The following UNC13B variants were observed in gnomAD, a reference collection of about 807,000 sequenced individuals.
The protein encoded by UNC13B is unc-13 homolog B, also known as protein unc-13 homolog B.
UNC13B carries 144 observed loss-of-function variants against 211.0 expected under a neutral mutation model. The observed-to-expected ratio is 0.68, with a 90% CI of 0.60 to 0.78. The LOEUF is 0.78. Ranked by LOEUF, UNC13B falls within the 30% of genes least tolerant of loss-of-function variation. The probability of loss-of-function intolerance (pLI) is 0.00; values close to 1 mark genes in which losing one functional copy is unlikely to be tolerated. For synonymous variants in UNC13B, 709 were observed against 725.8 expected (o/e 0.98, Z 0.37); for missense variants, 1,777 against 2,002.0 (o/e 0.89, Z 2.14).
intron 11 of UNC13B, chr9:35,353,470 G>T (rs984954082): frequency 8.1e-7 from 1 of 1,232,112 alleles, no homozygotes; most frequent in Non-Finnish European, 1.0e-6. Context: ...CTGGGAGTCA[G>T]GGGAGTGAAA....
chr9:35,337,173 A>C (rs1831712549), intron 11 of UNC13B, among the ~76,000 whole-genome samples: 1 of 152,048 alleles, frequency 6.6e-6, no homozygotes, highest in Admixed American at 6.6e-5. Context: ...ATATCCCCCT[A>C]GCAAATTGTG....
intron 7 of UNC13B, among the ~76,000 whole-genome samples, chr9:35,282,216 C>T (rs911643043): frequency 2.6e-5 from 4 of 152,078 alleles, no homozygotes; most frequent in African/African-American, 9.7e-5. Flanking sequence ...AAAAGATAGA[C>T]CTTTGCCAAC....
intron 11 of UNC13B, among the ~76,000 whole-genome samples, chr9:35,326,763 G>A (rs1328328099): frequency 1.3e-5 from 2 of 152,134 alleles, no homozygotes; most frequent in East Asian, 3.8e-4. Context: ...ACCATATACT[G>A]TAATTAAAGA....
intron 11 of UNC13B, chr9:35,342,400 G>A (rs986704880): frequency 2.1e-6 from 2 of 975,578 alleles, no homozygotes; most frequent in Non-Finnish European, 2.4e-6. Flanking sequence ...CAAAAGGAAA[G>A]CATTTGTGGG....
At chr9:35,204,612 C>T (rs886819301) in intron 1 of UNC13B, among the ~76,000 whole-genome samples, 10 of 152,306 alleles carry the variant, frequency 6.6e-5, no homozygotes, top group Middle Eastern at 3.4e-3. Flanking sequence ...TGGAGCTTTA[C>T]GATTTAATGA....
intron 1 of UNC13B, among the ~76,000 whole-genome samples, chr9:35,198,490 G>T (rs1823071556): frequency 6.6e-6 from 1 of 152,190 alleles, no homozygotes; most frequent in African/African-American, 2.4e-5. Flanking sequence ...ACAGTATGTA[G>T]TCTCAGGTAT....
At chr9:35,233,612 TCTC>T (rs1825332341) in intron 3 of UNC13B, among the ~76,000 whole-genome samples, 1 of 152,198 alleles carries the variant, frequency 6.6e-6, no homozygotes, top group African/African-American at 2.4e-5. Context: ...TATCTCCCGT[TCTC>T]CTTTTTCCTT....
At chr9:35,251,063 T>C (rs987931355) in intron 6 of UNC13B, among the ~76,000 whole-genome samples, 1 of 146,456 alleles carries the variant, frequency 6.8e-6, no homozygotes, top group Non-Finnish European at 1.5e-5. Flanking sequence ...CCCGGGTTCA[T>C]GCCATTCTCC....
At chr9:35,390,764 C>T (rs771203051) in intron 26 of UNC13B, 50 bp downstream of exon 26, 5 of 1,533,676 alleles carry the variant, frequency 3.3e-6, no homozygotes, top group Non-Finnish European at 4.5e-6. Flanking sequence ...GCCCAAGCTC[C>T]TCGTTCACTG....
chr9:35,396,757 A>C, intron 27 of UNC13B, 84 bp from the exon 28 acceptor site: 1 of 1,601,858 alleles, frequency 6.2e-7, no homozygotes, highest in East Asian at 2.2e-5. Flanking sequence ...TGCCATCCCG[A>C]GGACCCCAGT....
intron 11 of UNC13B, among the ~76,000 whole-genome samples, chr9:35,332,803 T>C (rs1388639261): frequency 6.6e-6 from 1 of 152,230 alleles, no homozygotes; most frequent in African/African-American, 2.4e-5. Flanking sequence ...TTTATCTTTC[T>C]ATAGCATTTC....
chr9:35,276,557 G>A (rs972935189), intron 7 of UNC13B, among the ~76,000 whole-genome samples: 12 of 152,092 alleles, frequency 7.9e-5, no homozygotes, highest in African/African-American at 2.9e-4. Flanking sequence ...TTTTTGTGGT[G>A]TTGTGAAGAG....
chr9:35,383,283 G>A (rs1445882770), intron 21 of UNC13B, among the ~76,000 whole-genome samples: 1 of 152,104 alleles, frequency 6.6e-6, no homozygotes, highest in Non-Finnish European at 1.5e-5. Flanking sequence ...CCCTTCCTGG[G>A]TTAAGGTACC....
rs1176914433 is a variant in UNC13B, at chr9:35,301,806, C to T, written c.2402C>T (p.Thr801Ile). Residue 801 changes from threonine (T) to isoleucine (I), a missense_variant, in exon 9 of 40, where the codon ACA becomes ATA. Thr to Ile is a moderately conservative substitution (Grantham distance 89). Transcript: ENST00000635942. ...FSKPLEEDKV[T>I]GNDDFLEPLR... ...AAGCCATTAGAGGAGGACAAAGTTA[C>T]AGGTAATGATGATTTCCTTGAGCCA... 8 of 398,696 alleles carry T rather than the reference C, an allele frequency of 2.0e-5. No homozygotes were observed. The East Asian group carries it at 2.8e-4, about 14-fold the overall frequency. The allele number at this position is 398,696 out of a possible 1,614,324, so 24.7% of individuals were successfully genotyped here.
intron 1 of UNC13B, among the ~76,000 whole-genome samples, chr9:35,210,201 A>G (rs1208885940): frequency 1.3e-5 from 2 of 152,206 alleles, no homozygotes; most frequent in East Asian, 1.9e-4. Context: ...ATTTCTATCC[A>G]TGCACACCTG....
At chr9:35,254,786 C>T (rs1483659225) in intron 6 of UNC13B, among the ~76,000 whole-genome samples, 2 of 148,658 alleles carry the variant, frequency 1.3e-5, no homozygotes, top group African/African-American at 2.5e-5. Flanking sequence ...CTTAGATTTT[C>T]TGTGCGACTA....
At chr9:35,334,993 G>A (rs959043994) in intron 11 of UNC13B, among the ~76,000 whole-genome samples, 4 of 152,180 alleles carry the variant, frequency 2.6e-5, no homozygotes, top group Non-Finnish European at 2.9e-5. Flanking sequence ...AGCCGAGATC[G>A]CGCCACTGCA....
chr9:35,331,383 G>A (rs1415517550), intron 11 of UNC13B, among the ~76,000 whole-genome samples: 1 of 152,160 alleles, frequency 6.6e-6, no homozygotes, highest in East Asian at 1.9e-4. Context: ...ATGTAGCTGG[G>A]ATTACAGGAG....
intron 18 of UNC13B, 50 bp from the exon 19 acceptor site, chr9:35,381,050 A>G (rs1476078984): frequency 1.9e-6 from 3 of 1,561,266 alleles, no homozygotes; most frequent in East Asian, 4.5e-5. Flanking sequence ...GGAACTATCT[A>G]TGCTGTCTAG....
Sources: allele counts gnomAD v4.1 joint callset (sites outside exome capture counted in the v4.1 genomes callset), GRCh38; gene constraint gnomAD v4.1.1; transcripts MANE v1.5; gene names NCBI Gene and HGNC (gene_info 2026-07-23, HGNC 2026-07-21).